The following SORCS3 variants were observed in gnomAD, a reference collection of about 807,000 sequenced individuals.
SORCS3 encodes the protein sortilin related VPS10 domain containing receptor 3, also known as VPS10 domain-containing receptor SorCS3.
SORCS3 carries 57 observed loss-of-function variants against 146.3 expected under a neutral mutation model. The observed-to-expected ratio is 0.39, with a 90% CI of 0.31 to 0.49. SORCS3 has a LOEUF of 0.49. Among genes scored for constraint, SORCS3 ranks in the 20% least tolerant of loss-of-function variants. SORCS3 has a pLI of 0.92. For missense variants in SORCS3, 1,341 were observed against 1,575.5 expected (o/e 0.85, Z 2.52); for synonymous variants, 653 against 618.5 (o/e 1.06, Z -0.83).
intron 7 of SORCS3, among the ~76,000 whole-genome samples, chr10:105,131,323 G>A (rs2056016730): frequency 1.3e-5 from 2 of 152,116 alleles, no homozygotes; most frequent in Non-Finnish European, 2.9e-5. Flanking sequence ...TAACTAAGAT[G>A]TACCCTTAGA....
At chr10:104,772,466 A>G (rs902305) in intron 1 of SORCS3, among the ~76,000 whole-genome samples, 51,457 of 151,990 alleles carry the variant, frequency 0.34, 9,459 homozygotes, top group African/African-American at 0.48. Context: ...CTGCAGCCCA[A>G]ATCTCTGTCA....
At chr10:105,164,433 A>G (rs1252906192) in intron 12 of SORCS3, 54 bp downstream of exon 12, 5 of 1,172,264 alleles carry the variant, frequency 4.3e-6, no homozygotes, top group East Asian at 2.3e-5. Context: ...AGTTCTACCA[A>G]TCTCTCTCTC....
chr10:105,109,161 T>C (rs987967855), intron 7 of SORCS3, among the ~76,000 whole-genome samples: 3 of 152,156 alleles, frequency 2.0e-5, no homozygotes, highest in African/African-American at 7.2e-5. Flanking sequence ...ACAAAATCAG[T>C]GTATTTCCTT....
intron 1 of SORCS3, among the ~76,000 whole-genome samples, chr10:104,703,195 G>A (rs781773797): frequency 3.9e-5 from 6 of 152,100 alleles, no homozygotes; most frequent in Admixed American, 6.6e-5. Context: ...AAAATGATTC[G>A]GGTTGAGGGC....
intron 7 of SORCS3, among the ~76,000 whole-genome samples, chr10:105,135,287 T>TA (rs1223505522): frequency 1.3e-5 from 2 of 152,120 alleles, no homozygotes; most frequent in African/African-American, 4.8e-5. Flanking sequence ...CTTGAGGTAG[T>TA]ACTGGACAGA....
At chr10:104,770,236 T>G (rs139128076) in intron 1 of SORCS3, among the ~76,000 whole-genome samples, 122 of 152,250 alleles carry the variant, frequency 8.0e-4, no homozygotes, top group African/African-American at 2.5e-3. Context: ...TACCCCTCAG[T>G]GCAGGTTCAC....
intron 2 of SORCS3, among the ~76,000 whole-genome samples, chr10:104,915,311 T>C (rs1006511650): frequency 1.3e-5 from 2 of 152,092 alleles, no homozygotes; most frequent in African/African-American, 2.4e-5. Context: ...CATTTAGCCA[T>C]TGGACCCCAT....
At chr10:105,196,181 G>T (rs1330926695) in intron 14 of SORCS3, among the ~76,000 whole-genome samples, 1 of 152,194 alleles carries the variant, frequency 6.6e-6, no homozygotes, top group Non-Finnish European at 1.5e-5. Flanking sequence ...GAGGCTCGGA[G>T]TCAATTAGGC....
chr10:104,742,105 G>A (rs992861199), intron 1 of SORCS3, among the ~76,000 whole-genome samples: 11 of 152,054 alleles, frequency 7.2e-5, no homozygotes, highest in Non-Finnish European at 1.3e-4. Flanking sequence ...TGATAGTGGT[G>A]GGGGACAGGG....
At chr10:104,718,471 G>A (rs1213316792) in intron 1 of SORCS3, among the ~76,000 whole-genome samples, 1 of 152,150 alleles carries the variant, frequency 6.6e-6, no homozygotes, top group Non-Finnish European at 1.5e-5. Flanking sequence ...TTGCATTGGG[G>A]GTTAAGTTTC....
intron 1 of SORCS3, among the ~76,000 whole-genome samples, chr10:104,823,054 C>G (rs2017893080): frequency 6.6e-6 from 1 of 152,122 alleles, no homozygotes; most frequent in Admixed American, 6.5e-5. Flanking sequence ...GGTGACGAGA[C>G]ATGGGGGTGA....
intron 4 of SORCS3, among the ~76,000 whole-genome samples, chr10:105,009,584 G>T (rs1385014536): frequency 2.0e-5 from 3 of 149,404 alleles, no homozygotes; most frequent in Non-Finnish European, 4.4e-5. Context: ...ATATGATTTT[G>T]TGTTGGCAAG....
chr10:104,950,064 G>A (rs1408441533), intron 3 of SORCS3, among the ~76,000 whole-genome samples: 2 of 152,178 alleles, frequency 1.3e-5, no homozygotes, highest in Non-Finnish European at 2.9e-5. Context: ...TAGAAGTCAG[G>A]ACAATAAGAG....
chr10:104,673,398 T>C (rs963899765), intron 1 of SORCS3, among the ~76,000 whole-genome samples: 7 of 151,770 alleles, frequency 4.6e-5, no homozygotes, highest in Non-Finnish European at 7.4e-5. Flanking sequence ...AGTAAAAAAA[T>C]GTAAGTTTAT....
intron 3 of SORCS3, among the ~76,000 whole-genome samples, chr10:104,966,252 C>A (rs2054825638): frequency 6.6e-6 from 1 of 152,006 alleles, no homozygotes; most frequent in African/African-American, 2.4e-5. Flanking sequence ...TTGAGAACCA[C>A]TGTTCGAAGA....
intron 1 of SORCS3, among the ~76,000 whole-genome samples, chr10:104,838,092 T>C (rs1376373917): frequency 6.6e-6 from 1 of 152,226 alleles, no homozygotes. Flanking sequence ...AGTGTAGTAC[T>C]TAGCACATAG....
At chr10:104,819,724 T>C (rs2017850557) in intron 1 of SORCS3, among the ~76,000 whole-genome samples, 1 of 152,170 alleles carries the variant, frequency 6.6e-6, no homozygotes, top group Non-Finnish European at 1.5e-5. Context: ...ATTCTAATTT[T>C]AGAAGAAAAC....
At chr10:105,199,696 C>G (rs2056563260) in intron 14 of SORCS3, among the ~76,000 whole-genome samples, 1 of 152,188 alleles carries the variant, frequency 6.6e-6, no homozygotes, top group East Asian at 1.9e-4. Flanking sequence ...TTTGGGACTA[C>G]CGGTCCCAAT....
At position 105,001,076 on chromosome 10, in the gene SORCS3, T is replaced by C. The variant is rs1256421183; in HGVS notation, c.954+23583T>C. ...GTTGGGAGATGGGGTTCTATCCAGT[T>C]GGAAATGTGGCTTTTGTATTTCTCC... On this transcript the variant is annotated intron_variant, in intron 4 of 26. Coordinates refer to ENST00000369701, the MANE Select transcript of SORCS3 (RefSeq NM_014978.3). 4.6e-5 allele frequency among the ~76,000 whole-genome samples: 7 copies of C among 152,318 alleles called. No homozygotes were observed. In the East Asian group the frequency reaches 1.4e-3, roughly 29 times the overall value.
Sources: allele counts gnomAD v4.1 joint callset (sites outside exome capture counted in the v4.1 genomes callset), GRCh38; gene constraint gnomAD v4.1.1; transcripts MANE v1.5; gene names NCBI Gene and HGNC (gene_info 2026-07-23, HGNC 2026-07-21).